CSMD1: variants seen among roughly 807,000 people sequenced by gnomAD.
CSMD1 encodes the protein CUB and Sushi multiple domains 1.
CSMD1 carries 213 observed loss-of-function variants against 417.5 expected under a neutral mutation model. The ratio of observed to expected loss-of-function variants is 0.51; its 90% CI spans 0.46 to 0.57. The LOEUF (loss-of-function observed/expected upper bound fraction) is 0.57, where lower values mean the gene tolerates loss of function less well. Ranked by LOEUF, CSMD1 falls within the 20% of genes least tolerant of loss-of-function variation. The pLI is 0.00. For synonymous variants in CSMD1, 2,862 were observed against 1,736.8 expected, an observed-to-expected ratio of 1.65 and a Z score of -16.11; for missense variants, 6,923 against 4,529.7, an observed-to-expected ratio of 1.53 and a Z score of -15.17.
intron 1 of CSMD1, among the ~76,000 whole-genome samples, chr8:4,770,532 G>C (rs1183778646): frequency 2.0e-5 from 3 of 151,424 alleles, no homozygotes; most frequent in African/African-American, 4.9e-5. Flanking sequence ...AAAATCAAAA[G>C]TTGAAGGCAT....
intron 4 of CSMD1, among the ~76,000 whole-genome samples, chr8:4,027,474 T>A (rs1055313995): frequency 6.6e-6 from 1 of 152,032 alleles, no homozygotes; most frequent in Non-Finnish European, 1.5e-5. Context: ...GTGGGTGAGT[T>A]CTCATGAGAT....
At chr8:4,222,384 CTTATT>C (rs1399883277) in intron 3 of CSMD1, among the ~76,000 whole-genome samples, 9 of 150,316 alleles carry the variant, frequency 6.0e-5, no homozygotes, top group African/African-American at 2.2e-4. Flanking sequence ...AAGCTTCCAT[CTTATT>C]CTGTAAACAG....
intron 68 of CSMD1, among the ~76,000 whole-genome samples, chr8:2,946,336 G>T (rs1802233209): frequency 6.6e-6 from 1 of 152,164 alleles, no homozygotes; most frequent in African/African-American, 2.4e-5. Flanking sequence ...GTCTCACTTA[G>T]AAGATTGGTG....
chr8:3,831,284 G>T (rs1802362912), intron 5 of CSMD1, among the ~76,000 whole-genome samples: 1 of 152,136 alleles, frequency 6.6e-6, no homozygotes, highest in African/African-American at 2.4e-5. Flanking sequence ...CGTCAGGGGA[G>T]CTGCCCTGGG....
chr8:3,068,402 A>G (rs551682943), intron 49 of CSMD1, among the ~76,000 whole-genome samples: 1 of 152,274 alleles, frequency 6.6e-6, no homozygotes, highest in African/African-American at 2.4e-5. Context: ...AAATCCCCAC[A>G]CTTCACATCA....
At chr8:3,130,838 A>G (rs1340084541) in intron 41 of CSMD1, among the ~76,000 whole-genome samples, 5 of 152,122 alleles carry the variant, frequency 3.3e-5, no homozygotes, top group African/African-American at 9.7e-5. Flanking sequence ...TGCAGCCTCT[A>G]TGGCTGCAAC....
At chr8:3,924,339 C>A (rs976554348) in intron 5 of CSMD1, among the ~76,000 whole-genome samples, 3 of 152,148 alleles carry the variant, frequency 2.0e-5, no homozygotes, top group African/African-American at 7.2e-5. Flanking sequence ...TTTAAAGTGT[C>A]TCAATGAGAA....
At chr8:3,714,511 T>G (rs558820001) in intron 6 of CSMD1, among the ~76,000 whole-genome samples, 10 of 130,508 alleles carry the variant, frequency 7.7e-5, no homozygotes, top group African/African-American at 2.6e-4. Flanking sequence ...CACATGAAGT[T>G]AGGAGTTCAA....
intron 2 of CSMD1, among the ~76,000 whole-genome samples, chr8:4,450,398 C>T (rs1799070628): frequency 6.6e-6 from 1 of 152,126 alleles, no homozygotes; most frequent in Non-Finnish European, 1.5e-5. Flanking sequence ...AAGGCTGAGG[C>T]AGGCGGATCA....
intron 3 of CSMD1, among the ~76,000 whole-genome samples, chr8:4,034,149 G>T (rs1000897622): frequency 7.9e-5 from 12 of 152,086 alleles, no homozygotes; most frequent in Non-Finnish European, 1.8e-4. Flanking sequence ...TTTAAACTGA[G>T]TAACATAGAG....
chr8:3,928,152 T>C (rs1386631235), intron 5 of CSMD1, among the ~76,000 whole-genome samples: 1 of 152,166 alleles, frequency 6.6e-6, no homozygotes, highest in Non-Finnish European at 1.5e-5. Flanking sequence ...CTGTTGGACA[T>C]TTACATTTCA....
intron 7 of CSMD1, among the ~76,000 whole-genome samples, chr8:3,620,671 G>C (rs1584972964): frequency 6.6e-6 from 1 of 151,862 alleles, no homozygotes; most frequent in Non-Finnish European, 1.5e-5. Context: ...ATGTAAAAAA[G>C]AAAAGAGAAG....
At chr8:4,860,034 G>C (rs1208947022) in intron 1 of CSMD1, among the ~76,000 whole-genome samples, 5 of 152,022 alleles carry the variant, frequency 3.3e-5, no homozygotes, top group Non-Finnish European at 5.9e-5. Context: ...TGATAGACTG[G>C]ATTAAGAAAA....
intron 5 of CSMD1, among the ~76,000 whole-genome samples, chr8:3,972,459 T>C (rs1236405958): frequency 6.6e-6 from 1 of 152,244 alleles, no homozygotes; most frequent in Admixed American, 6.5e-5. Context: ...AGTGATTCCT[T>C]GGCTTCTTTC....
At chr8:3,740,052 G>A (rs777112680) in intron 6 of CSMD1, among the ~76,000 whole-genome samples, 25 of 152,250 alleles carry the variant, frequency 1.6e-4, no homozygotes, top group Middle Eastern at 6.8e-3. Flanking sequence ...CTTACAATAT[G>A]CTGTTTTTCA....
intron 5 of CSMD1, among the ~76,000 whole-genome samples, chr8:3,880,970 T>C (rs1486823401): frequency 2.0e-5 from 3 of 152,178 alleles, no homozygotes; most frequent in East Asian, 3.8e-4. Context: ...ACTGCATTTT[T>C]AAGTACTAGC....
intron 1 of CSMD1, among the ~76,000 whole-genome samples, chr8:4,868,062 G>A (rs1802519532): frequency 6.6e-6 from 1 of 151,930 alleles, no homozygotes; most frequent in African/African-American, 2.4e-5. Flanking sequence ...TCTCTACTTT[G>A]TCTCTTATTT....
intron 3 of CSMD1, among the ~76,000 whole-genome samples, chr8:4,302,507 C>T (rs951737050): frequency 5.3e-5 from 8 of 152,106 alleles, no homozygotes; most frequent in African/African-American, 1.7e-4. Context: ...ACCACAGTAG[C>T]GTGCTTGCAT....
intron 3 of CSMD1, among the ~76,000 whole-genome samples, chr8:4,209,695 T>C (rs975653284): frequency 6.6e-6 from 1 of 152,146 alleles, no homozygotes; most frequent in African/African-American, 2.4e-5. Flanking sequence ...GCCAGTGGTG[T>C]CACACAGCAA....
Sources: allele counts gnomAD v4.1 joint callset (sites outside exome capture counted in the v4.1 genomes callset), GRCh38; gene constraint gnomAD v4.1.1; transcripts MANE v1.5; gene names NCBI Gene and HGNC (gene_info 2026-07-23, HGNC 2026-07-21).